The following AKAP11 variants were observed in gnomAD, a reference collection of about 807,000 sequenced individuals.
AKAP11 encodes A-kinase anchor protein 11.
In AKAP11, 36 loss-of-function variants were observed where a neutral mutation model predicts 146.1. The observed-to-expected ratio is 0.25, with a 90% confidence interval of 0.19 to 0.33. The LOEUF is 0.33. Ranked by LOEUF, AKAP11 falls within the 10% of genes least tolerant of loss-of-function variation. AKAP11 has a pLI of 1.00. For synonymous variants in AKAP11, 780 were observed against 786.5 expected, an observed-to-expected ratio of 0.99 and a Z score of 0.14; for missense variants, 2,201 against 2,197.0, an observed-to-expected ratio of 1.00 and a Z score of -0.04.
Position 42,300,141 on chromosome 13 carries a change from A to G in AKAP11, c.1395A>G (p.Glu465=). The G allele has an allele frequency of 1.2e-6, 2 of 1,613,954 alleles. No individual in the cohort carries two copies. Among genetic ancestry groups the G allele is most frequent in the African/African-American group, 1.3e-5 (1 of 75,024 alleles). ...CTCTTGGAGGCTGTACTCCAGCTGA[A>G]TGTTTTTGCCAAACAGATATTGGTG... The part of the protein sequence containing the change: ...FSPLGGCTPA[E]CFCQTDIGGD... The change falls in exon 8 of 13, where the codon GAA becomes GAG. Residue 465 remains glutamate, a synonymous_variant. Coordinates refer to ENST00000025301, the MANE Select transcript of AKAP11 (RefSeq NM_016248.4).
At chr13:42,293,884 A>G (rs1344280048) in intron 4 of AKAP11, among the ~76,000 whole-genome samples, 1 of 152,154 alleles carries the variant, frequency 6.6e-6, no homozygotes, top group Non-Finnish European at 1.5e-5. Flanking sequence ...AAAGGAAGGA[A>G]ATTAGTTATT....
In AKAP11 at chr13:42,302,217, A is replaced by G. The variant is rs1415390371; in HGVS notation, c.3471A>G (p.Ile1157Met). ...GSLSENEQNT[I>M]EKEEFMLKLM... ...TGTCTGAGAATGAACAAAATACTAT[A>G]GAAAAAGAAGAGTTCATGTTGAAAC... is the stretch of plus-strand genomic sequence containing the variant. The change falls in exon 8 of 13, where the codon ATA becomes ATG. Residue 1157 changes from isoleucine (I) to methionine (M), a missense_variant. By Grantham distance (10) the Ile-to-Met change is conservative. This residue lies in a region of AKAP11 where 1,867 missense variants were observed against 1,833.5 expected (regional missense o/e 1.02). Coordinates refer to ENST00000025301, the MANE Select transcript of AKAP11 (RefSeq NM_016248.4). 1.2e-6 allele frequency: 2 copies of G among 1,614,086 alleles called. No homozygotes were observed. Among genetic ancestry groups the G allele is most frequent in the African/African-American group, 1.3e-5 (1 of 74,942 alleles).
At chr13:42,279,230 G>T (rs1959001433) in intron 1 of AKAP11, among the ~76,000 whole-genome samples, 1 of 150,302 alleles carries the variant, frequency 6.7e-6, no homozygotes, top group Admixed American at 6.6e-5. Context: ...TTTTTCTTCT[G>T]CACCCACTTC....
At chr13:42,307,789 A>G (rs113463863) in intron 8 of AKAP11, among the ~76,000 whole-genome samples, 37 of 151,882 alleles carry the variant, frequency 2.4e-4, no homozygotes, top group African/African-American at 9.0e-4. Context: ...GTGGGAAGCC[A>G]TTGGAAGGTT....
chr13:42,274,881 T>C (rs967363585), intron 1 of AKAP11, among the ~76,000 whole-genome samples: 2 of 152,212 alleles, frequency 1.3e-5, no homozygotes, highest in African/African-American at 4.8e-5. Context: ...GAGTTTCGGT[T>C]TGGGAGTCAG....
rs1272310241 is a variant in AKAP11 at position 42,321,361 on chromosome 13, G to T, written c.*2133G>T. The stretch of plus-strand genomic sequence containing the variant: ...ATTTCCTTTGCATTTTGCTAGAGCT[G>T]TGCTGAGTTCAGCATTTGCTTATTT... On this transcript the variant is annotated 3_prime_UTR_variant, in exon 13 of 13. Transcript: ENST00000025301. The T allele has an allele frequency of 6.6e-6, 1 of 152,344 alleles. No homozygotes were observed. Among genetic ancestry groups the T allele is most frequent in the Non-Finnish European group, 1.5e-5 (1 of 68,028 alleles). 9.4% of individuals were successfully genotyped at this position (152,344 alleles called of 1,614,324 possible).
Position 42,302,896 on chromosome 13 carries a change from G to A in AKAP11, c.4150G>A (p.Ala1384Thr), listed in dbSNP as rs746439407. 23 of 1,614,028 alleles carry A rather than the reference G, an allele frequency of 1.4e-5. No homozygotes were observed. The highest frequency in any genetic ancestry group is 1.9e-5 in the Non-Finnish European group (22 of 1,180,024). Reference protein sequence around the residue: ...RSVKSGLQEAAKTTKVQCNSR... With the variant: ...RSVKSGLQEATKTTKVQCNSR... ...TGTTAAATCAGGATTACAGGAAGCA[G>A]CTAAGACAACCAAAGTGCAGTGCAA... Residue 1384 changes from alanine (A) to threonine (T), a missense_variant, in exon 8 of 13, where the codon GCT becomes ACT. Transcript: ENST00000025301.
intron 9 of AKAP11, among the ~76,000 whole-genome samples, chr13:42,311,510 C>T (rs755383297): frequency 4.6e-5 from 7 of 151,868 alleles, no homozygotes; most frequent in Non-Finnish European, 1.0e-4. Context: ...TGAAGAATGA[C>T]TTCAAATACC....
In AKAP11 at chr13:42,320,390, A is replaced by C. The variant is rs1040891777; in HGVS notation, c.*1162A>C. The C allele has an allele frequency of 5.1e-5, 7 of 138,280 alleles. No individual in the cohort carries two copies. The highest frequency in any genetic ancestry group is 1.1e-4 in the Non-Finnish European group (7 of 66,342). 8.6% of individuals were successfully genotyped at this position (138,280 alleles called of 1,614,324 possible). A position where few individuals can be genotyped will look rare whatever the true frequency, so the allele number is the denominator to read the frequency against. On this transcript the variant is annotated 3_prime_UTR_variant, in exon 13 of 13. Coordinates refer to ENST00000025301, the MANE Select transcript of AKAP11 (RefSeq NM_016248.4). ...CTGACACGATCTTTCTGGGCTCTACATTTCCTACTAGTTTGTGTCCAGAAA... is the reference window on the plus strand; with the variant it reads ...CTGACACGATCTTTCTGGGCTCTACCTTTCCTACTAGTTTGTGTCCAGAAA...
At chr13:42,281,795 T>C (rs1959065189) in intron 1 of AKAP11, among the ~76,000 whole-genome samples, 1 of 152,070 alleles carries the variant, frequency 6.6e-6, no homozygotes, top group Non-Finnish European at 1.5e-5. Flanking sequence ...ACCTGTCTTA[T>C]TTTACTTAAT....
chr13:42,306,856 G>A (rs1474790907), intron 8 of AKAP11, among the ~76,000 whole-genome samples: 1 of 152,070 alleles, frequency 6.6e-6, no homozygotes, highest in African/African-American at 2.4e-5. Context: ...TTTGTTTGTT[G>A]TTGTTTGTTT....
rs1184792253 is a variant in AKAP11, at chr13:42,301,120, T to C, written c.2374T>C (p.Tyr792His). Residue 792 changes from tyrosine to histidine, a missense_variant, in exon 8 of 13, where the codon TAT (tyrosine) becomes CAT (histidine). Coordinates refer to ENST00000025301, the MANE Select transcript of AKAP11 (RefSeq NM_016248.4). ...CTTGGCAGGAAGTGCCCTTCTCCCA[T>C]ATCATATTTCATCTACTGCATGTCA... ...VPLAGSALLP[Y>H]HISSTACQAK... 6.2e-7 allele frequency: 1 copy of C among 1,613,988 alleles called. No individual in the cohort carries two copies. The highest frequency in any genetic ancestry group is 8.5e-7 in the Non-Finnish European group (1 of 1,179,972).
chr13:42,303,449 A>T lies in AKAP11; in HGVS notation c.4703A>T (p.Lys1568Ile). 1 of 1,614,208 alleles carries T rather than the reference A, an allele frequency of 6.2e-7. No homozygotes were observed. The highest frequency in any genetic ancestry group is 1.3e-5 in the African/African-American group (1 of 75,052). Residue 1568 changes from lysine (K) to isoleucine (I), a missense_variant, in exon 8 of 13, where the codon AAA (lysine) becomes ATA (isoleucine). Around this residue, in one of 3 missense-constraint regions of AKAP11, gnomAD observed 1,867 missense variants for 1,833.5 expected, o/e 1.02. Coordinates refer to ENST00000025301, the MANE Select transcript of AKAP11 (RefSeq NM_016248.4). ...STVFRVSETT[K>I]SADRVTYAEK... ...GTGTTCCGAGTGTCTGAGACCACAA[A>T]ATCAGCAGACAGGGTCACTTATGCA... is the stretch of plus-strand genomic sequence containing the variant.
intron 8 of AKAP11, among the ~76,000 whole-genome samples, chr13:42,304,865 C>T (rs1440478377): frequency 1.3e-5 from 2 of 152,084 alleles, no homozygotes; most frequent in East Asian, 1.9e-4. Flanking sequence ...ATTCCTGTGC[C>T]TCAGCCTCCC....
At position 42,322,236 on chromosome 13, in the gene AKAP11, C is replaced by G. The variant is rs1961115592; in HGVS notation, c.*3008C>G. 1 of 152,182 alleles carries G rather than the reference C, an allele frequency of 6.6e-6. No homozygotes were observed. Among genetic ancestry groups the G allele is most frequent in the South Asian group, 2.1e-4 (1 of 4,826 alleles). 9.4% of individuals were successfully genotyped at this position (152,182 alleles called of 1,614,324 possible). A position where few individuals can be genotyped will look rare whatever the true frequency, so the allele number is the denominator to read the frequency against. The stretch of plus-strand genomic sequence containing the variant: ...ATATTTGTTGTAAGTTAATTCAATT[C>G]TTAATACTTTAATTTTGCTCCAACA... On this transcript the variant is annotated 3_prime_UTR_variant, in exon 13 of 13. Coordinates refer to ENST00000025301, the MANE Select transcript of AKAP11 (RefSeq NM_016248.4).
At chr13:42,277,696 A>G (rs1028543967) in intron 1 of AKAP11, among the ~76,000 whole-genome samples, 1 of 152,212 alleles carries the variant, frequency 6.6e-6, no homozygotes. Flanking sequence ...CATTCACGTC[A>G]TTGATGAAAT....
chr13:42,297,238 G>A, intron 6 of AKAP11, 56 bp downstream of exon 6: 3 of 1,265,790 alleles, frequency 2.4e-6, no homozygotes, highest in Non-Finnish European at 2.1e-6. Context: ...TACTATATTT[G>A]ATAAAGATGA....
rs1566282318 is a variant in AKAP11 at position 42,303,516 on chromosome 13, T to C, written c.4770T>C (p.Cys1590=). 1 of 1,614,122 alleles carries C rather than the reference T, an allele frequency of 6.2e-7. No individual in the cohort carries two copies. The highest frequency in any genetic ancestry group is 8.5e-7 in the Non-Finnish European group (1 of 1,180,042). The change falls in exon 8 of 13, where the codon TGT becomes TGC. Residue 1590 remains cysteine (C), a synonymous_variant. Transcript: ENST00000025301. ...TTACAGGTCAAGCTTGCAGATACTG[T>C]GACCTTAAAGAACTCCACAATTGCA... ...SPLTGQACRY[C]DLKELHNCTG...
chr13:42,291,680 A>G (rs1453776157), intron 3 of AKAP11, among the ~76,000 whole-genome samples: 1 of 152,204 alleles, frequency 6.6e-6, no homozygotes, highest in African/African-American at 2.4e-5. Context: ...GGATTTCTAC[A>G]TGGGAAGACT....
Sources: gnomAD v4.1 joint callset for allele counts (sites outside exome capture counted in the v4.1 genomes callset) on GRCh38, gnomAD v4.1.1 for gene constraint, gnomAD v4.1.1 regional missense constraint, MANE v1.5 for transcripts, NCBI Gene and HGNC (gene_info 2026-07-23, HGNC 2026-07-21) for gene names.